Variants in CTHRC1 observed in about 807,000 individuals in gnomAD.
CTHRC1 encodes collagen triple helix repeat-containing protein 1.
A neutral mutation model predicts 25.9 loss-of-function variants in CTHRC1; 21 were observed. That is an observed-to-expected ratio of 0.81 (90% CI 0.57 to 1.17). CTHRC1 has a LOEUF of 1.17. CTHRC1 is among the 50% of genes most tolerant of loss of function. CTHRC1 has a pLI of 0.00. For synonymous variants in CTHRC1, 109 were observed against 113.1 expected, an observed-to-expected ratio of 0.96 and a Z score of 0.23; for missense variants, 281 against 304.3, an observed-to-expected ratio of 0.92 and a Z score of 0.57.
Position 103,371,729 on chromosome 8 carries a change from C to A in CTHRC1, c.73C>A (p.Pro25Thr), listed in dbSNP as rs1269834019. 1 of 1,535,676 alleles carries A rather than the reference C, an allele frequency of 6.5e-7. No individual in the cohort carries two copies. The highest frequency in any genetic ancestry group is 1.4e-5 in the African/African-American group (1 of 70,706). ...CCTGCTGCTCCTGCTGCTGCAGCTG[C>A]CCGCGCCGTCGAGCGCCTCTGAGAT... ...GLLLLLLLQLPAPSSASEIPK... is the reference protein window; with the variant it reads ...GLLLLLLLQLTAPSSASEIPK... Residue 25 changes from proline to threonine, a missense_variant, in exon 1 of 4, where the codon CCC becomes ACC. Coordinates refer to ENST00000330295, the MANE Select transcript of CTHRC1 (RefSeq NM_138455.4).
At chr8:103,381,600 T>C (rs1258902115) in intron 3 of CTHRC1, among the ~76,000 whole-genome samples, 1 of 152,160 alleles carries the variant, frequency 6.6e-6, no homozygotes, top group Non-Finnish European at 1.5e-5. Flanking sequence ...GGGGGGATTT[T>C]CTGTTTTATG....
chr8:103,382,574 A>G lies in CTHRC1; in HGVS notation c.706A>G (p.Ile236Val). The G allele has an allele frequency of 6.2e-7, 1 of 1,613,558 alleles. No homozygotes were observed. Among genetic ancestry groups the G allele is most frequent in the East Asian group, 2.2e-5 (1 of 44,770 alleles). ...ASTGWNSVSR[I>V]IIEELPK ...TACTGGATGGAATTCAGTTTCTCGC[A>G]TCATTATTGAAGAACTACCAAAATA... is the stretch of plus-strand genomic sequence containing the variant. The change falls in exon 4 of 4, where the codon ATC becomes GTC. Residue 236 changes from isoleucine (I) to valine (V), a missense_variant. Transcript: ENST00000330295.
At position 103,378,034 on chromosome 8, in the gene CTHRC1, C is replaced by A. The variant is rs1430479560; in HGVS notation, c.380C>A (p.Thr127Lys). ...GIDLGKIAECTFTKMRSNSAL... is the reference protein window; with the variant it reads ...GIDLGKIAECKFTKMRSNSAL... ...TTTCTATGTTTGTGACAGGAGTGTA[C>A]ATTTACAAAGATGCGTTCAAATAGT... is the stretch of plus-strand genomic sequence containing the variant. Residue 127 changes from threonine to lysine, a missense_variant, in exon 3 of 4, where the codon ACA becomes AAA. Transcript: ENST00000330295. 1.2e-6 allele frequency: 2 copies of A among 1,612,078 alleles called. No homozygotes were observed. The highest frequency in any genetic ancestry group is 1.7e-6 in the Non-Finnish European group (2 of 1,178,134).
chr8:103,377,228 T>C (rs1006752401), intron 2 of CTHRC1: 8 of 152,184 alleles, frequency 5.3e-5, no homozygotes, highest in Non-Finnish European at 8.8e-5. Flanking sequence ...CTGCCTATCC[T>C]TTACTCCCTC....
At chr8:103,379,486 A>C (rs1338075945) in intron 3 of CTHRC1, among the ~76,000 whole-genome samples, 1 of 152,110 alleles carries the variant, frequency 6.6e-6, no homozygotes, top group Admixed American at 6.5e-5. Flanking sequence ...AAAAAAAAAA[A>C]AAACTATTAA....
intron 1 of CTHRC1, among the ~76,000 whole-genome samples, chr8:103,374,776 A>C (rs1815774183): frequency 6.6e-6 from 1 of 152,178 alleles, no homozygotes; most frequent in Non-Finnish European, 1.5e-5. Context: ...TATTCACTTA[A>C]ATCTCATACA....
At chr8:103,372,635 T>C in intron 1 of CTHRC1, 1 of 1,598,154 alleles carries the variant, frequency 6.3e-7, no homozygotes, top group Non-Finnish European at 8.5e-7. Flanking sequence ...GCCCGAGTGC[T>C]TTCCAGGGGC....
chr8:103,376,370 AT>A (rs1407806251), intron 2 of CTHRC1, among the ~76,000 whole-genome samples: 1 of 152,204 alleles, frequency 6.6e-6, no homozygotes, highest in African/African-American at 2.4e-5. Context: ...GCAGAAGTCC[AT>A]TGGTGTTTGT....
At chr8:103,380,783 T>C (rs565790876) in intron 3 of CTHRC1, among the ~76,000 whole-genome samples, 2 of 152,204 alleles carry the variant, frequency 1.3e-5, no homozygotes, top group Non-Finnish European at 2.9e-5. Context: ...AGGCCATGGC[T>C]GTCAAGACCC....
chr8:103,376,775 A>G (rs1435346747), intron 2 of CTHRC1, among the ~76,000 whole-genome samples: 1 of 152,244 alleles, frequency 6.6e-6, no homozygotes, highest in Non-Finnish European at 1.5e-5. Context: ...CACTCTGTGT[A>G]TAATCCCTGT....
chr8:103,374,036 T>C (rs990004146), intron 1 of CTHRC1, among the ~76,000 whole-genome samples: 1 of 152,214 alleles, frequency 6.6e-6, no homozygotes, highest in African/African-American at 2.4e-5. Context: ...ACTTTTTGTG[T>C]CTTTGAATAC....
At chr8:103,379,999 C>A (rs1242334744) in intron 3 of CTHRC1, among the ~76,000 whole-genome samples, 1 of 152,176 alleles carries the variant, frequency 6.6e-6, no homozygotes, top group Admixed American at 6.5e-5. Flanking sequence ...GCCCTGTTCT[C>A]TTGGCTCCCA....
intron 3 of CTHRC1, among the ~76,000 whole-genome samples, 177 bp downstream of exon 3, chr8:103,378,420 A>G (rs546885626): frequency 7.9e-5 from 12 of 152,206 alleles, no homozygotes; most frequent in Non-Finnish European, 1.6e-4. Flanking sequence ...TTAAAAATAC[A>G]TAGATGCCTG....
Position 103,378,232 on chromosome 8 carries a change from G to A in CTHRC1, c.578G>A (p.Arg193His), listed in dbSNP as rs36115601. ...PEMNSTINIHRTSSVEGLCEG... is the reference protein window; with the variant it reads ...PEMNSTINIHHTSSVEGLCEG... ...ATGAATTCAACAATTAATATTCATC[G>A]CACTTCTTCTGGTATGTAAAATTGT... Residue 193 changes from arginine (R) to histidine (H), a missense_variant, in exon 3 of 4, where the codon CGC becomes CAC. By Grantham distance (29) the Arg-to-His change is conservative. Coordinates refer to ENST00000330295, the MANE Select transcript of CTHRC1 (RefSeq NM_138455.4). The A allele has an allele frequency of 9.7e-5, 156 of 1,611,634 alleles. No individual in the cohort carries two copies. The African/African-American group carries it at 1.5e-3, about 16-fold the overall frequency.
intron 1 of CTHRC1, among the ~76,000 whole-genome samples, chr8:103,372,162 G>C (rs1043293878): frequency 6.6e-6 from 1 of 152,152 alleles, no homozygotes; most frequent in Non-Finnish European, 1.5e-5. Context: ...GTGAGAGTAG[G>C]ATGAGGAGCT....
At chr8:103,378,516 G>C (rs979239378) in intron 3 of CTHRC1, among the ~76,000 whole-genome samples, 2 of 152,222 alleles carry the variant, frequency 1.3e-5, no homozygotes, top group Non-Finnish European at 2.9e-5. Context: ...TGGTGATTCA[G>C]ATGTGCCCCA....
Position 103,371,676 on chromosome 8 carries a change from C to T in CTHRC1, c.20C>T (p.Ala7Val), listed in dbSNP as rs1815701736. The T allele has an allele frequency of 3.3e-6, 5 of 1,533,532 alleles. No homozygotes were observed. Among genetic ancestry groups the T allele is most frequent in the Non-Finnish European group, 4.4e-6 (5 of 1,141,150 alleles). The allele number at this position is 1,533,532 out of a possible 1,614,324, so 95.0% of individuals were successfully genotyped here. A position where few individuals can be genotyped will look rare whatever the true frequency, so the allele number is the denominator to read the frequency against. MRPQGPAASPQRLRGLL... is the reference protein window; with the variant it reads MRPQGPVASPQRLRGLL... ...GGAGCCATGCGACCCCAGGGCCCCGCCGCCTCCCCGCAGCGGCTCCGCGGC... is the reference window on the plus strand; with the variant it reads ...GGAGCCATGCGACCCCAGGGCCCCGTCGCCTCCCCGCAGCGGCTCCGCGGC... Residue 7 changes from alanine (A) to valine (V), a missense_variant, in exon 1 of 4, where the codon GCC becomes GTC. Physicochemically the swap from Ala to Val is moderately conservative, Grantham distance 64. Coordinates refer to ENST00000330295, the MANE Select transcript of CTHRC1 (RefSeq NM_138455.4).
rs571108775 is a variant in CTHRC1, at chr8:103,380,231, A to C, written c.589+1988A>C. 1.2e-4 allele frequency among the ~76,000 whole-genome samples: 18 copies of C among 152,344 alleles called. No homozygotes were observed. The East Asian group carries it at 1.3e-3, about 11-fold the overall frequency. On this transcript the variant is annotated intron_variant, in intron 3 of 3. Coordinates refer to ENST00000330295, the MANE Select transcript of CTHRC1 (RefSeq NM_138455.4). ...TTAAGGTGTGTGTTAATATTTTGCT[A>C]ATGTAAGCCCTTAGGCCCAGGAACT...
At chr8:103,372,305 A>T in intron 1 of CTHRC1, 1 of 641,480 alleles carries the variant, frequency 1.6e-6, no homozygotes, top group African/African-American at 1.8e-5. Flanking sequence ...GAGAATAACA[A>T]CCCCCACAAA....
Sources: gnomAD v4.1 joint callset for allele counts (sites outside exome capture counted in the v4.1 genomes callset) on GRCh38, gnomAD v4.1.1 for gene constraint, MANE v1.5 for transcripts, NCBI Gene and HGNC (gene_info 2026-07-23, HGNC 2026-07-21) for gene names.